The following TDRD7 variants were observed in gnomAD, a reference collection of about 807,000 sequenced individuals.
The protein encoded by TDRD7 is tudor domain-containing protein 7.
TDRD7 carries 47 observed loss-of-function variants against 109.8 expected under a neutral mutation model. The ratio of observed to expected loss-of-function variants is 0.43; its 90% confidence interval spans 0.34 to 0.55. The LOEUF is 0.55. Among genes scored for constraint, TDRD7 ranks in the 20% least tolerant of loss-of-function variants. The pLI is 0.03. For missense variants in TDRD7, 1,164 were observed against 1,319.2 expected (o/e 0.88, Z 1.82); for synonymous variants, 424 against 457.3 (o/e 0.93, Z 0.93).
intron 4 of TDRD7, among the ~76,000 whole-genome samples, chr9:97,434,654 A>G (rs2118321900): frequency 6.6e-6 from 1 of 152,316 alleles, no homozygotes; most frequent in Non-Finnish European, 1.5e-5. Context: ...AATAGGGCCC[A>G]GCAGTTGCGC....
chr9:97,493,273 G>A (rs569866291), intron 16 of TDRD7, among the ~76,000 whole-genome samples: 12 of 152,052 alleles, frequency 7.9e-5, no homozygotes, highest in African/African-American at 2.2e-4. Flanking sequence ...CCTAAGTGTC[G>A]GCCGGTCTGA....
intron 4 of TDRD7, 113 bp from the exon 5 acceptor site, chr9:97,439,132 T>A: frequency 1.6e-6 from 1 of 627,088 alleles, no homozygotes; most frequent in Non-Finnish European, 2.5e-6. Flanking sequence ...TTTTAATGAC[T>A]TGTTTTGCTG....
intron 15 of TDRD7, among the ~76,000 whole-genome samples, chr9:97,486,438 A>C (rs1232991654): frequency 6.6e-6 from 1 of 152,054 alleles, no homozygotes; most frequent in African/African-American, 2.4e-5. Flanking sequence ...TGAGCTCCAG[A>C]TCTGAAGCCA....
Position 97,483,358 on chromosome 9 carries a change from C to T in TDRD7, c.2915+7C>T, listed in dbSNP as rs752426813. ...CTGCAAAAGTGGAAAATAAGTAGGT[C>T]CTTGGACAAAGCATTTTATTCTACT... is the stretch of plus-strand genomic sequence containing the variant. On this transcript the variant is annotated splice_region_variant and intron_variant, in intron 15 of 16. Transcript: ENST00000355295. 1.4e-5 allele frequency: 22 copies of T among 1,612,864 alleles called. No homozygotes were observed. The highest frequency in any genetic ancestry group is 1.7e-5 in the Non-Finnish European group (20 of 1,179,962).
At chr9:97,438,854 A>G (rs1323059435) in intron 4 of TDRD7, among the ~76,000 whole-genome samples, 1 of 152,212 alleles carries the variant, frequency 6.6e-6, no homozygotes, top group East Asian at 1.9e-4. Context: ...TTCATAATGC[A>G]TTTCAACATC....
At chr9:97,476,049 G>T (rs1245591017) in intron 12 of TDRD7, among the ~76,000 whole-genome samples, 1 of 152,084 alleles carries the variant, frequency 6.6e-6, no homozygotes, top group Non-Finnish European at 1.5e-5. Context: ...GAACCTTCCT[G>T]TCTGTGTCTT....
At chr9:97,455,544 C>T (rs1222685981) in intron 6 of TDRD7, among the ~76,000 whole-genome samples, 2 of 152,172 alleles carry the variant, frequency 1.3e-5, no homozygotes, top group African/African-American at 4.8e-5. Flanking sequence ...AAATGTAATC[C>T]ATCACATAAA....
At chr9:97,433,324 A>G (rs1426297466) in intron 4 of TDRD7, among the ~76,000 whole-genome samples, 1 of 151,416 alleles carries the variant, frequency 6.6e-6, no homozygotes, top group Non-Finnish European at 1.5e-5. Context: ...AATATTATTT[A>G]TAATTATTAT....
intron 1 of TDRD7, among the ~76,000 whole-genome samples, chr9:97,418,240 G>C (rs1179591843): frequency 6.6e-6 from 1 of 152,182 alleles, no homozygotes; most frequent in Non-Finnish European, 1.5e-5. Context: ...AAGAAATCAA[G>C]GTGGGTAAAT....
At chr9:97,420,824 A>G (rs891763728) in intron 1 of TDRD7, among the ~76,000 whole-genome samples, 1 of 152,196 alleles carries the variant, frequency 6.6e-6, no homozygotes, top group African/African-American at 2.4e-5. Context: ...ATAAGTGTAT[A>G]CTTTACTTTG....
At chr9:97,470,712 T>TC in intron 9 of TDRD7, 43 bp downstream of exon 9, 1 of 1,420,342 alleles carries the variant, frequency 7.0e-7, no homozygotes, top group Admixed American at 1.7e-5. Context: ...TTCAATAGGC[T>TC]ATTACCACTG....
chr9:97,478,697 G>T, intron 13 of TDRD7, 124 bp downstream of exon 13: 1 of 1,384,126 alleles, frequency 7.2e-7, no homozygotes, highest in Non-Finnish European at 1.0e-6. Flanking sequence ...TTGTCCAAAT[G>T]TGGTTGTCTG....
chr9:97,495,199 C>T (rs796183138), intron 16 of TDRD7, among the ~76,000 whole-genome samples: 4 of 152,196 alleles, frequency 2.6e-5, no homozygotes, highest in African/African-American at 9.6e-5. Flanking sequence ...CAATTCAGTG[C>T]TTTTCCCACG....
rs79553296 is a variant in TDRD7 at position 97,432,714 on chromosome 9, G to A, written c.563+476G>A. ...TTGGGTGCTGCCATTCACTAGTCAGGTAAATTAAGTTGTTTCATCTTTTGG... is the reference window on the plus strand; with the variant it reads ...TTGGGTGCTGCCATTCACTAGTCAGATAAATTAAGTTGTTTCATCTTTTGG... On this transcript the variant is annotated intron_variant, in intron 4 of 16. Coordinates refer to ENST00000355295, the MANE Select transcript of TDRD7 (RefSeq NM_014290.3). Among the ~76,000 whole-genome samples the A allele has an allele frequency of 9.9e-3, 1,504 of 152,206 alleles. 16 individuals carry two copies. The highest frequency in any genetic ancestry group is 0.033 in the African/African-American group (1,379 of 41,540).
intron 11 of TDRD7, among the ~76,000 whole-genome samples, chr9:97,474,749 C>T (rs1351610500): frequency 1.3e-5 from 2 of 152,120 alleles, no homozygotes; most frequent in Non-Finnish European, 1.5e-5. Flanking sequence ...TCGATATTTC[C>T]TACTGCACTC....
chr9:97,482,657 G>A (rs1829135118), intron 14 of TDRD7, among the ~76,000 whole-genome samples, 192 bp from the exon 15 acceptor site: 1 of 152,050 alleles, frequency 6.6e-6, no homozygotes, highest in Non-Finnish European at 1.5e-5. Flanking sequence ...AGGCTGCACT[G>A]TTCCCTAGAC....
At chr9:97,455,688 G>A (rs1196497070) in intron 6 of TDRD7, among the ~76,000 whole-genome samples, 1 of 152,172 alleles carries the variant, frequency 6.6e-6, no homozygotes, top group African/African-American at 2.4e-5. Context: ...AATATGAAGA[G>A]TTATTCATGA....
intron 4 of TDRD7, among the ~76,000 whole-genome samples, chr9:97,435,908 C>T (rs554142128): frequency 2.0e-5 from 3 of 152,156 alleles, no homozygotes; most frequent in South Asian, 2.1e-4. Context: ...TTTTTGAGGT[C>T]ACCAAACCTC....
rs145545604 is a variant in TDRD7, at chr9:97,460,557, A to C, written c.1235A>C (p.Lys412Thr). Residue 412 changes from lysine to threonine, a missense_variant, in exon 7 of 17, where the codon AAA (lysine) becomes ACA (threonine). By Grantham distance (78) the Lys-to-Thr change is moderately conservative. Coordinates refer to ENST00000355295, the MANE Select transcript of TDRD7 (RefSeq NM_014290.3). The stretch of plus-strand genomic sequence containing the variant: ...GCTAAACTTCCATTGCCCACTGACA[A>C]AATCCAAAAGGATGCAGGGCAAGCA... ...LYAKLPLPTDKIQKDAGQAHG... is the reference protein window; with the variant it reads ...LYAKLPLPTDTIQKDAGQAHG... The C allele has an allele frequency of 1.8e-5, 29 of 1,614,216 alleles. No homozygotes were observed. The East Asian group carries it at 6.2e-4, about 35-fold the overall frequency.
Sources: gnomAD v4.1 joint callset for allele counts (sites outside exome capture counted in the v4.1 genomes callset) on GRCh38, gnomAD v4.1.1 for gene constraint, MANE v1.5 for transcripts, NCBI Gene and HGNC (gene_info 2026-07-23, HGNC 2026-07-21) for gene names.